Variants in CRTC3 observed in about 807,000 individuals in gnomAD.
The protein encoded by CRTC3 is CREB regulated transcription coactivator 3.
In CRTC3, 26 loss-of-function variants were observed where a neutral mutation model predicts 74.5. The observed-to-expected ratio is 0.35, with a 90% CI of 0.26 to 0.48. The LOEUF (loss-of-function observed/expected upper bound fraction) is 0.48, where lower values mean the gene tolerates loss of function less well. Among genes scored for constraint, CRTC3 ranks in the 20% least tolerant of loss-of-function variants. The pLI, the probability that CRTC3 is intolerant of heterozygous loss-of-function variation, is 0.99. For missense variants in CRTC3, 760 were observed against 787.3 expected, an observed-to-expected ratio of 0.97 and a Z score of 0.41; for synonymous variants, 377 against 325.8, an observed-to-expected ratio of 1.16 and a Z score of -1.69.
At chr15:90,554,082 C>T (rs1441441348) in intron 2 of CRTC3, among the ~76,000 whole-genome samples, 1 of 152,164 alleles carries the variant, frequency 6.6e-6, no homozygotes, top group Non-Finnish European at 1.5e-5. Context: ...TTTTTCTCAC[C>T]TGTAAAATGG....
intron 2 of CRTC3, among the ~76,000 whole-genome samples, chr15:90,569,882 C>T (rs1400643793): frequency 6.6e-6 from 1 of 152,072 alleles, no homozygotes; most frequent in African/African-American, 2.4e-5. Context: ...GGGACACTAT[C>T]CTAAGAAAGT....
chr15:90,566,312 G>A (rs771479801), intron 2 of CRTC3, among the ~76,000 whole-genome samples: 1 of 152,154 alleles, frequency 6.6e-6, no homozygotes, highest in African/African-American at 2.4e-5. Flanking sequence ...CATTTTGGGA[G>A]GCTGAGGTGG....
intron 2 of CRTC3, among the ~76,000 whole-genome samples, chr15:90,549,662 T>A (rs2151060703): frequency 6.6e-6 from 1 of 151,984 alleles, no homozygotes; most frequent in East Asian, 1.9e-4. Context: ...TATGTAAATA[T>A]GTATACATGC....
rs966963081 is a variant in CRTC3 at position 90,643,328 on chromosome 15, A to C, written c.*1188A>C. The stretch of plus-strand genomic sequence containing the variant: ...TTTCTAGCACTCGTGCCTATGGTGA[A>C]GCATGCACTTTAATATGCTTTTAAC... On this transcript the variant is annotated 3_prime_UTR_variant, in exon 15 of 15. Transcript: ENST00000268184. 4.3e-6 allele frequency: 1 copy of C among 230,458 alleles called. No individual in the cohort carries two copies. Among genetic ancestry groups the C allele is most frequent in the African/African-American group, 2.2e-5 (1 of 45,186 alleles). The allele number at this position is 230,458 out of a possible 1,614,324, so 14.3% of individuals were successfully genotyped here. A position where few individuals can be genotyped will look rare whatever the true frequency, so the allele number is the denominator to read the frequency against.
chr15:90,639,909 C>T (rs984908225), intron 13 of CRTC3, among the ~76,000 whole-genome samples: 10 of 151,860 alleles, frequency 6.6e-5, no homozygotes, highest in African/African-American at 1.9e-4. Context: ...ATTAGCTGGG[C>T]GTGGTGGCAG....
intron 2 of CRTC3, among the ~76,000 whole-genome samples, chr15:90,549,499 G>T (rs888455174): frequency 2.6e-5 from 4 of 152,042 alleles, no homozygotes; most frequent in Non-Finnish European, 4.4e-5. Flanking sequence ...AGGCAGGCTG[G>T]GTACCATGGC....
intron 11 of CRTC3, among the ~76,000 whole-genome samples, chr15:90,635,598 T>A (rs915562231): frequency 2.0e-5 from 3 of 152,060 alleles, no homozygotes; most frequent in African/African-American, 7.2e-5. Context: ...TGAGCCAAGG[T>A]CATGCCACTG....
At position 90,629,364 on chromosome 15, in the gene CRTC3, G is replaced by A. The variant is rs1651979330; in HGVS notation, c.1098G>A (p.Leu366=). The A allele has an allele frequency of 6.2e-7, 1 of 1,613,988 alleles. No homozygotes were observed. ...NASALHPSLR[L]FSLSNPSLST... is the part of the protein sequence containing the mutation. ...CTGCTCTTCACCCTTCGCTCCGTCTGTTTTCCCTTAGCAACCCATCTCTTT... is the reference window on the plus strand; with the variant it reads ...CTGCTCTTCACCCTTCGCTCCGTCTATTTTCCCTTAGCAACCCATCTCTTT... Residue 366 remains leucine, a synonymous_variant, in exon 11 of 15, where the codon CTG becomes CTA. Coordinates refer to ENST00000268184, the MANE Select transcript of CRTC3 (RefSeq NM_022769.5).
chr15:90,638,592 G>T lies in CRTC3; in HGVS notation c.1413G>T (p.Gln471His), dbSNP rs768368447. 2 of 1,612,982 alleles carry T rather than the reference G, an allele frequency of 1.2e-6. No homozygotes were observed. Among genetic ancestry groups the T allele is most frequent in the Non-Finnish European group, 8.5e-7 (1 of 1,179,990 alleles). Residue 471 changes from glutamine (Q) to histidine (H), a missense_variant, in exon 12 of 15, where the codon CAG becomes CAT. Physicochemically the swap from Gln to His is conservative, Grantham distance 24. Transcript: ENST00000268184. ...GCGCCCCTGAGGCCCCTGCCCAGCAGCCCCAGGCAGCCTCCTCACTGCCAC... is the reference window on the plus strand; with the variant it reads ...GCGCCCCTGAGGCCCCTGCCCAGCATCCCCAGGCAGCCTCCTCACTGCCAC... The part of the protein sequence containing the change: ...QPRAPEAPAQ[Q>H]PQAASSLPQS...
At chr15:90,551,049 G>C (rs906159938) in intron 2 of CRTC3, among the ~76,000 whole-genome samples, 3 of 152,174 alleles carry the variant, frequency 2.0e-5, no homozygotes, top group Non-Finnish European at 2.9e-5. Context: ...CTGAAAGGAA[G>C]AGGTGAAGTT....
intron 11 of CRTC3, among the ~76,000 whole-genome samples, chr15:90,633,073 CATTT>C (rs1207078192): frequency 1.3e-5 from 2 of 152,296 alleles, no homozygotes; most frequent in East Asian, 1.9e-4. Flanking sequence ...CCACCCTCCT[CATTT>C]ATTATAATTT....
chr15:90,627,709 C>A (rs1324907584), intron 10 of CRTC3, among the ~76,000 whole-genome samples: 1 of 151,058 alleles, frequency 6.6e-6, no homozygotes, highest in African/African-American at 2.4e-5. Flanking sequence ...GCAAGCTCTG[C>A]CTCCTAGGTT....
chr15:90,619,666 C>T, intron 8 of CRTC3, 75 bp from the exon 9 acceptor site: 8 of 1,266,954 alleles, frequency 6.3e-6, no homozygotes, highest in Non-Finnish European at 9.3e-6. Context: ...CCTCAAGGTC[C>T]TTACGAAGAC....
chr15:90,564,917 C>CCTTCCTTT (rs1422260306), intron 2 of CRTC3, among the ~76,000 whole-genome samples: 1 of 14,200 alleles, frequency 7.0e-5, no homozygotes, highest in Non-Finnish European at 2.8e-4. Context: ...TTCCTTCCTT[C>CCTTCCTTT]CTTCCTTCCT....
At chr15:90,605,127 C>G (rs1968182732) in intron 5 of CRTC3, among the ~76,000 whole-genome samples, 1 of 151,638 alleles carries the variant, frequency 6.6e-6, no homozygotes, top group Admixed American at 6.6e-5. Flanking sequence ...TGGCACGTGC[C>G]TGTGGTTCGA....
At chr15:90,623,888 C>T (rs1031552770) in intron 9 of CRTC3, among the ~76,000 whole-genome samples, 3 of 152,202 alleles carry the variant, frequency 2.0e-5, no homozygotes, top group African/African-American at 7.2e-5. Context: ...TGGTCTCACA[C>T]CTCCCTGCTT....
chr15:90,608,728 G>C (rs937558177), intron 6 of CRTC3, among the ~76,000 whole-genome samples: 57 of 152,332 alleles, frequency 3.7e-4, no homozygotes, highest in African/African-American at 1.3e-3. Context: ...GCACAGAGGA[G>C]CCCGTACTGA....
At chr15:90,621,908 T>C (rs1968664472) in intron 9 of CRTC3, among the ~76,000 whole-genome samples, 1 of 152,244 alleles carries the variant, frequency 6.6e-6, no homozygotes, top group Non-Finnish European at 1.5e-5. Context: ...ATCAAGTTCC[T>C]GCTTTCGAGG....
In CRTC3 at chr15:90,593,748, G is replaced by A. The variant is rs776840005; in HGVS notation, c.344G>A (p.Gly115Glu). The A allele has an allele frequency of 4.2e-5, 68 of 1,601,450 alleles. No homozygotes were observed. The highest frequency in any genetic ancestry group is 5.1e-5 in the Non-Finnish European group (60 of 1,169,868). Reference protein sequence around the residue: ...PLHRRSGDKPGRQFDGSAFGA... With the variant: ...PLHRRSGDKPERQFDGSAFGA... ...CACCGAAGGTCTGGGGACAAGCCAG[G>A]GCGACAAATATCCTTTTTTACTCTT... Residue 115 changes from glycine to glutamate, a missense_variant, in exon 3 of 15, where the codon GGG becomes GAG. Physicochemically the swap from Gly to Glu is moderately conservative, Grantham distance 98. Coordinates refer to ENST00000268184, the MANE Select transcript of CRTC3 (RefSeq NM_022769.5).
Sources: gnomAD v4.1 joint callset for allele counts (sites outside exome capture counted in the v4.1 genomes callset) on GRCh38, gnomAD v4.1.1 for gene constraint, MANE v1.5 for transcripts, NCBI Gene and HGNC (gene_info 2026-07-23, HGNC 2026-07-21) for gene names.